The following IQCM variants were observed in gnomAD, a reference collection of about 807,000 sequenced individuals.
IQCM encodes the protein IQ motif containing M.
Under a neutral mutation model 57.6 loss-of-function variants are expected in IQCM, and 45 were observed. The observed-to-expected ratio is 0.78, with a 90% confidence interval of 0.62 to 1.00. The LOEUF is 1.00. Among genes scored for constraint, IQCM ranks in the 50% least tolerant of loss-of-function variants. The pLI is 0.00. For synonymous variants in IQCM, 148 were observed against 158.9 expected (o/e 0.93, Z 0.51); for missense variants, 468 against 511.6 (o/e 0.91, Z 0.82).
At chr4:149,720,144 T>C (rs1765327697) in intron 5 of IQCM, among the ~76,000 whole-genome samples, 1 of 152,246 alleles carries the variant, frequency 6.6e-6, no homozygotes, top group African/African-American at 2.4e-5. Context: ...AAACATGTTC[T>C]AATGTTCCAA....
intron 7 of IQCM, among the ~76,000 whole-genome samples, chr4:149,641,118 C>T (rs985347470): frequency 1.4e-4 from 21 of 152,146 alleles, no homozygotes; most frequent in African/African-American, 4.8e-4. Context: ...CAGAGTGAGA[C>T]TCTTGTTTCA....
intron 7 of IQCM, chr4:149,666,234 T>C (rs551877476): frequency 6.6e-6 from 1 of 152,306 alleles, no homozygotes; most frequent in Non-Finnish European, 1.5e-5. Flanking sequence ...ACCTGGTTCA[T>C]CTCATTGGGA....
At chr4:149,688,833 A>C (rs1262751973) in intron 5 of IQCM, among the ~76,000 whole-genome samples, 4 of 151,946 alleles carry the variant, frequency 2.6e-5, no homozygotes, top group African/African-American at 9.7e-5. Flanking sequence ...CAACAAAGCA[A>C]ACAAAAACAA....
intron 2 of IQCM, among the ~76,000 whole-genome samples, chr4:149,752,820 T>A (rs1561234335): frequency 6.6e-6 from 1 of 152,018 alleles, no homozygotes; most frequent in Non-Finnish European, 1.5e-5. Flanking sequence ...AATGACTAGC[T>A]AAAAAGAGGT....
intron 8 of IQCM, among the ~76,000 whole-genome samples, chr4:149,619,231 C>T (rs1207117101): frequency 2.0e-5 from 3 of 151,206 alleles, no homozygotes; most frequent in Non-Finnish European, 4.4e-5. Flanking sequence ...GAAATGACTC[C>T]GAAGCAGAAA....
chr4:149,692,505 A>T (rs1028386974), intron 5 of IQCM, among the ~76,000 whole-genome samples: 1 of 152,174 alleles, frequency 6.6e-6, no homozygotes, highest in Non-Finnish European at 1.5e-5. Flanking sequence ...AGAGAAAAAA[A>T]ACTGTTAAAT....
intron 2 of IQCM, among the ~76,000 whole-genome samples, chr4:149,775,230 C>T (rs1269825008): frequency 6.6e-6 from 1 of 151,824 alleles, no homozygotes; most frequent in Admixed American, 6.6e-5. Flanking sequence ...AAAATCTTCT[C>T]TAAAATAAGT....
chr4:149,541,870 G>A (rs959403614), intron 12 of IQCM, among the ~76,000 whole-genome samples: 16 of 152,132 alleles, frequency 1.1e-4, no homozygotes, highest in South Asian at 4.1e-4. Context: ...TTACATATGC[G>A]CTCAGGTGAA....
In IQCM at chr4:149,732,535, T is replaced by G. The variant is rs1487652435; in HGVS notation, c.385+709A>C. Among the ~76,000 whole-genome samples, 3 of 152,202 alleles carry G rather than the reference T, an allele frequency of 2.0e-5. No individual in the cohort carries two copies. The East Asian group carries it at 5.8e-4, about 29-fold the overall frequency. On this transcript the variant is annotated intron_variant, in intron 5 of 13. Coordinates refer to ENST00000636793, the MANE Select transcript of IQCM (RefSeq NM_001363507.2). ...TCCTCACCATTACTCTCTGAGCCTTTTAATTGCTGTTTCTCCAGCTCTTAA... is the reference window on the plus strand; with the variant it reads ...TCCTCACCATTACTCTCTGAGCCTTGTAATTGCTGTTTCTCCAGCTCTTAA...
At chr4:149,536,467 T>A (rs1747307093) in intron 12 of IQCM, among the ~76,000 whole-genome samples, 1 of 152,050 alleles carries the variant, frequency 6.6e-6, no homozygotes, top group East Asian at 1.9e-4. Flanking sequence ...TGCTTTTATT[T>A]TCTTATCTAG....
At chr4:149,519,629 G>A (rs1008776253) in intron 12 of IQCM, among the ~76,000 whole-genome samples, 1 of 150,944 alleles carries the variant, frequency 6.6e-6, no homozygotes, top group Admixed American at 6.6e-5. Context: ...CTGGGCAACA[G>A]AGCGAGACTC....
intron 13 of IQCM, among the ~76,000 whole-genome samples, chr4:149,405,549 A>T (rs1040307891): frequency 5.3e-5 from 8 of 151,444 alleles, no homozygotes; most frequent in African/African-American, 2.0e-4. Flanking sequence ...CCTAGAACTT[A>T]AAGTATAATA....
chr4:149,481,597 T>C (rs1242621911), intron 12 of IQCM, among the ~76,000 whole-genome samples: 1 of 151,950 alleles, frequency 6.6e-6, no homozygotes, highest in Non-Finnish European at 1.5e-5. Context: ...TTCAATTCTG[T>C]TCCATTGGTC....
At chr4:149,519,757 C>A (rs969957264) in intron 12 of IQCM, among the ~76,000 whole-genome samples, 3 of 152,084 alleles carry the variant, frequency 2.0e-5, no homozygotes, top group East Asian at 3.9e-4. Context: ...GTAATCCCAG[C>A]ACTTTGGGAG....
chr4:149,720,350 T>C (rs1765345276), intron 5 of IQCM, among the ~76,000 whole-genome samples: 1 of 152,224 alleles, frequency 6.6e-6, no homozygotes, highest in Non-Finnish European at 1.5e-5. Context: ...ATTAATTCTA[T>C]GTATTCATAG....
At chr4:149,408,920 C>T (rs1162132921) in intron 13 of IQCM, among the ~76,000 whole-genome samples, 1 of 152,126 alleles carries the variant, frequency 6.6e-6, no homozygotes, top group Non-Finnish European at 1.5e-5. Context: ...AAAACCCCAC[C>T]TTGCTTCAAC....
chr4:149,780,037 T>A (rs1363368266), intron 2 of IQCM, among the ~76,000 whole-genome samples: 1 of 152,090 alleles, frequency 6.6e-6, no homozygotes, highest in Non-Finnish European at 1.5e-5. Flanking sequence ...ACTGAATGTA[T>A]CCAAAATAGC....
intron 11 of IQCM, among the ~76,000 whole-genome samples, chr4:149,549,799 T>G (rs1748848087): frequency 6.6e-6 from 1 of 152,158 alleles, no homozygotes. Flanking sequence ...CTCAACCACA[T>G]GGATTTCAGT....
At chr4:149,668,015 C>T (rs1422550636) in intron 7 of IQCM, among the ~76,000 whole-genome samples, 1 of 152,058 alleles carries the variant, frequency 6.6e-6, no homozygotes, top group African/African-American at 2.4e-5. Flanking sequence ...AGGATATTAT[C>T]CAGGAGAACT....
Sources: gnomAD v4.1 joint callset for allele counts (sites outside exome capture counted in the v4.1 genomes callset) on GRCh38, gnomAD v4.1.1 for gene constraint, MANE v1.5 for transcripts, NCBI Gene and HGNC (gene_info 2026-07-23, HGNC 2026-07-21) for gene names.